The following PCDH11X variants were observed in gnomAD, a reference collection of about 807,000 sequenced individuals.
PCDH11X encodes the protein protocadherin-11 X-linked.
A neutral mutation model predicts 53.3 loss-of-function variants in PCDH11X; 18 were observed. The ratio of observed to expected loss-of-function variants is 0.34; its 90% confidence interval spans 0.23 to 0.50. PCDH11X has a LOEUF of 0.50. PCDH11X is among the 20% of genes least tolerant of loss of function. The pLI, the probability that PCDH11X is intolerant of heterozygous loss-of-function variation, is 0.98. For synonymous variants in PCDH11X, 279 were observed against 393.3 expected (o/e 0.71, Z 3.44); for missense variants, 570 against 1,032.4 (o/e 0.55, Z 6.14).
At chrX:92,413,734 G>A (rs1361336452) in intron 9 of PCDH11X, among the ~76,000 whole-genome samples, 1 of 109,537 alleles carries the variant, frequency 9.1e-6, no homozygotes. Context: ...TAAAGGGTCG[G>A]AAGAATAAGA....
At chrX:92,179,346 C>G (rs2065957770) in intron 6 of PCDH11X, among the ~76,000 whole-genome samples, 1 of 111,766 alleles carries the variant, frequency 8.9e-6, no homozygotes, top group Non-Finnish European at 1.9e-5. Context: ...TGAAGTTGCC[C>G]CTCTTTTCAA....
chrX:92,618,707 C>T lies in PCDH11X; in HGVS notation c.3811C>T (p.Gln1271Ter). ...LPQVIALHRS[Q>*]AQSSVSLQQG... The stretch of plus-strand genomic sequence containing the variant: ...ACAGGTTATTGCCCTCCATCGTAGT[C>T]AGGCCCAATCATCAGTCAGTTTGCA... Residue 1271 changes from glutamine to a stop codon, truncating the protein, a stop_gained, in exon 11 of 11, where the codon CAG becomes TAG. Coordinates refer to ENST00000682573, the MANE Select transcript of PCDH11X (RefSeq NM_032968.5). LOFTEE classifies it high-confidence loss of function. 1 of 1,211,997 alleles carries T rather than the reference C, an allele frequency of 8.3e-7. No individual in the cohort carries two copies. The highest frequency in any genetic ancestry group is 1.8e-5 in the South Asian group (1 of 57,017).
chrX:92,236,923 T>G (rs2067181949), intron 7 of PCDH11X, among the ~76,000 whole-genome samples: 1 of 111,537 alleles, frequency 9.0e-6, no homozygotes, highest in Non-Finnish European at 1.9e-5. Context: ...GGGAATCAAT[T>G]TATTTTTTCT....
At chrX:92,294,299 G>A (rs992421372) in intron 8 of PCDH11X, among the ~76,000 whole-genome samples, 19 of 109,652 alleles carry the variant, frequency 1.7e-4, no homozygotes, top group Non-Finnish European at 1.3e-4. Flanking sequence ...CCACCACCAC[G>A]CCCAGCTGAA....
At chrX:92,588,428 A>G (rs1299536207) in intron 10 of PCDH11X, among the ~76,000 whole-genome samples, 1 of 103,742 alleles carries the variant, frequency 9.6e-6, no homozygotes, top group Non-Finnish European at 2.0e-5. Context: ...GTATATGTGT[A>G]TATATATACA....
chrX:92,129,073 C>T (rs775308620), intron 6 of PCDH11X, among the ~76,000 whole-genome samples: 111 of 110,287 alleles, frequency 1.0e-3, no homozygotes, highest in Non-Finnish European at 1.8e-3. Flanking sequence ...AATTAATTTC[C>T]TTAACATTGT....
At chrX:91,967,184 C>T (rs1217679831) in intron 6 of PCDH11X, among the ~76,000 whole-genome samples, 2 of 110,458 alleles carry the variant, frequency 1.8e-5, no homozygotes, top group Non-Finnish European at 3.8e-5. Flanking sequence ...TCTTTTCTCC[C>T]CTTTTTTTGT....
At chrX:92,024,735 AAAC>A (rs2062942681) in intron 6 of PCDH11X, among the ~76,000 whole-genome samples, 2 of 107,912 alleles carry the variant, frequency 1.9e-5, no homozygotes, top group African/African-American at 6.7e-5. Flanking sequence ...AAAAAAAAAA[AAAC>A]AAAACAAAAA....
At chrX:91,942,020 C>T (rs184929761) in intron 6 of PCDH11X, among the ~76,000 whole-genome samples, 9 of 109,547 alleles carry the variant, frequency 8.2e-5, no homozygotes, top group African/African-American at 3.0e-4. Flanking sequence ...TCAGAATTTC[C>T]GTGATGCTAC....
At chrX:92,233,491 G>A (rs58558684) in intron 7 of PCDH11X, among the ~76,000 whole-genome samples, 8,414 of 110,957 alleles carry the variant, frequency 0.076, 663 homozygotes, top group African/African-American at 0.24. Context: ...GTGTATCTAT[G>A]TTTCAGTTTT....
rs532198194 is a variant in PCDH11X, at chrX:92,151,385, G to A, written c.3034-49990G>A. Among the ~76,000 whole-genome samples, 4 of 109,852 alleles carry A rather than the reference G, an allele frequency of 3.6e-5. No individual in the cohort carries two copies. In the South Asian group the frequency reaches 1.6e-3, roughly 43 times the overall value. Reference sequence around the variant, plus strand: ...TTTTTTGTATTTTCAGTAGAGACAGGGTTTCACCGTGTTAGCCAGGATGGT... The same window carrying A: ...TTTTTTGTATTTTCAGTAGAGACAGAGTTTCACCGTGTTAGCCAGGATGGT... On this transcript the variant is annotated intron_variant, in intron 6 of 10. Transcript: ENST00000682573.
intron 9 of PCDH11X, among the ~76,000 whole-genome samples, chrX:92,441,510 G>A (rs1475141278): frequency 8.9e-6 from 1 of 112,177 alleles, no homozygotes; most frequent in Non-Finnish European, 1.9e-5. Context: ...GCTGAAAGGG[G>A]CCAAGGTAGA....
intron 10 of PCDH11X, among the ~76,000 whole-genome samples, chrX:92,499,043 C>A (rs1443632539): frequency 2.1e-5 from 2 of 93,345 alleles, no homozygotes; most frequent in Non-Finnish European, 4.3e-5. Flanking sequence ...AAGAAATCCG[C>A]AGACAGTTTT....
At chrX:92,060,079 T>C (rs936261212) in intron 6 of PCDH11X, among the ~76,000 whole-genome samples, 15 of 110,736 alleles carry the variant, frequency 1.4e-4, no homozygotes, top group African/African-American at 4.9e-4. Flanking sequence ...AAAGTTTGCA[T>C]CTAAAAACAG....
intron 6 of PCDH11X, among the ~76,000 whole-genome samples, chrX:92,035,319 C>T (rs1013694000): frequency 5.4e-5 from 6 of 111,585 alleles, no homozygotes; most frequent in African/African-American, 9.8e-5. Flanking sequence ...TCTTGTAGCA[C>T]GTATCTGGTG....
chrX:92,414,931 G>C (rs974347504), intron 9 of PCDH11X, among the ~76,000 whole-genome samples: 4 of 110,182 alleles, frequency 3.6e-5, no homozygotes, highest in Non-Finnish European at 5.7e-5. Flanking sequence ...ATTTTCAGAA[G>C]GTAATTATAT....
chrX:92,102,099 T>C (rs979288036), intron 6 of PCDH11X, among the ~76,000 whole-genome samples: 1 of 110,332 alleles, frequency 9.1e-6, no homozygotes, highest in African/African-American at 3.3e-5. Flanking sequence ...GGGTCAGGTG[T>C]GGTATCAGGA....
At chrX:92,227,974 A>C (rs1486369561) in intron 7 of PCDH11X, among the ~76,000 whole-genome samples, 1 of 111,333 alleles carries the variant, frequency 9.0e-6, no homozygotes, top group African/African-American at 3.3e-5. Flanking sequence ...ATTAACAATA[A>C]AATGAAATAG....
rs1448347818 is a variant in PCDH11X at position 92,424,303 on chromosome X, C to A, written c.3343+36370C>A. 1.1e-4 allele frequency among the ~76,000 whole-genome samples: 10 copies of A among 87,100 alleles called. 1 individual carries two copies. Among genetic ancestry groups the A allele is most frequent in the African/African-American group, 2.9e-4 (8 of 27,426 alleles). The allele number at this position is 87,100 out of a possible 115,157, so 75.6% of individuals were successfully genotyped here. A position where few individuals can be genotyped will look rare whatever the true frequency, so the allele number is the denominator to read the frequency against. Reference sequence around the variant, plus strand: ...TCATCTGGATAATGCTGATTTTTTTCTTTATTTGTTTAACCGGCAGTTGTT... The same window carrying A: ...TCATCTGGATAATGCTGATTTTTTTATTTATTTGTTTAACCGGCAGTTGTT... On this transcript the variant is annotated intron_variant, in intron 9 of 10. Transcript: ENST00000682573.
Sources: allele counts gnomAD v4.1 joint callset (sites outside exome capture counted in the v4.1 genomes callset), GRCh38; gene constraint gnomAD v4.1.1; transcripts MANE v1.5; gene names NCBI Gene and HGNC (gene_info 2026-07-23, HGNC 2026-07-21).